TENM2: variants seen among roughly 807,000 people sequenced by gnomAD.
TENM2 encodes teneurin-2.
A neutral mutation model predicts 245.2 loss-of-function variants in TENM2; 52 were observed. That is an observed-to-expected ratio of 0.21 (90% CI 0.17 to 0.27). The LOEUF (loss-of-function observed/expected upper bound fraction) is 0.27. Ranked by LOEUF, TENM2 falls within the 10% of genes least tolerant of loss-of-function variation. The probability of loss-of-function intolerance (pLI) is 1.00; values close to 1 mark genes in which losing one functional copy is unlikely to be tolerated. For missense variants in TENM2, 3,046 were observed against 3,666.8 expected, an observed-to-expected ratio of 0.83 and a Z score of 4.37; for synonymous variants, 1,363 against 1,438.9, an observed-to-expected ratio of 0.95 and a Z score of 1.19.
chr5:167,674,749 C>G (rs1192544580), intron 2 of TENM2, among the ~76,000 whole-genome samples: 1 of 152,028 alleles, frequency 6.6e-6, no homozygotes, highest in Non-Finnish European at 1.5e-5. Flanking sequence ...GCAAGAGTAA[C>G]TGTACGTGAA....
Position 167,952,848 on chromosome 5 carries a change from T to C in TENM2, c.947+26T>C. On this transcript the variant is annotated intron_variant, in intron 4 of 28. Coordinates refer to ENST00000518659, the Ensembl canonical transcript of TENM2. ...GTAAGTCCCCATCGCCAGCTCACAG[T>C]CACACTCAGTGTCACCTTACCCCTG... 4 of 1,538,608 alleles carry C rather than the reference T, an allele frequency of 2.6e-6. No homozygotes were observed. In the South Asian group the frequency reaches 4.8e-5, roughly 18 times the overall value.
In TENM2 at chr5:168,049,151, AG is replaced by A. The variant is rs140042319; in HGVS notation, c.1309+1606del. On this transcript the variant is annotated intron_variant, in intron 6 of 28. Transcript: ENST00000518659. Reference sequence around the variant, plus strand: ...GACTATTTTGATTGTCACAGTTGGAAGGGGCATGGCAGGCATCTAGTGGATA... The same window carrying A: ...GACTATTTTGATTGTCACAGTTGGAAGGGCATGGCAGGCATCTAGTGGATA... Among the ~76,000 whole-genome samples the A allele has an allele frequency of 1.7e-4, 26 of 152,336 alleles. 1 individual carries two copies. The East Asian group carries it at 4.4e-3, about 26-fold the overall frequency.
intron 4 of TENM2, among the ~76,000 whole-genome samples, chr5:167,971,648 C>T (rs1339632404): frequency 6.6e-6 from 1 of 152,114 alleles, no homozygotes; most frequent in Non-Finnish European, 1.5e-5. Flanking sequence ...TTGCAGTGAG[C>T]CAAGATCGCG....
intron 3 of TENM2, among the ~76,000 whole-genome samples, chr5:167,916,761 C>T (rs1450082840): frequency 6.6e-6 from 1 of 152,108 alleles, no homozygotes; most frequent in African/African-American, 2.4e-5. Flanking sequence ...AAAGAAAATC[C>T]GTGGGAGGCC....
chr5:168,127,786 A>G (rs1217577134), intron 12 of TENM2, among the ~76,000 whole-genome samples: 1 of 152,146 alleles, frequency 6.6e-6, no homozygotes, highest in East Asian at 1.9e-4. Context: ...TTGTTATTTA[A>G]TTAGATCAAG....
At chr5:167,628,628 A>G (rs1778670573) in intron 2 of TENM2, among the ~76,000 whole-genome samples, 1 of 152,162 alleles carries the variant, frequency 6.6e-6, no homozygotes, top group South Asian at 2.1e-4. Flanking sequence ...ATGACACAGT[A>G]CAAGGTGGTA....
At chr5:167,522,281 A>G (rs1289520137) in intron 2 of TENM2, among the ~76,000 whole-genome samples, 1 of 152,176 alleles carries the variant, frequency 6.6e-6, no homozygotes, top group Non-Finnish European at 1.5e-5. Context: ...TCAGGGCATG[A>G]CAATACTACC....
chr5:167,394,789 G>T (rs899782871), intron 2 of TENM2, among the ~76,000 whole-genome samples: 1 of 151,888 alleles, frequency 6.6e-6, no homozygotes, highest in Non-Finnish European at 1.5e-5. Context: ...TACAGACAGG[G>T]TTTCACCATG....
At chr5:168,005,168 T>G (rs375355723) in intron 5 of TENM2, among the ~76,000 whole-genome samples, 3 of 152,190 alleles carry the variant, frequency 2.0e-5, no homozygotes, top group Admixed American at 2.0e-4. Flanking sequence ...ATCCATATTG[T>G]AGTGAAACAC....
chr5:168,113,154 C>A (rs1036192), intron 9 of TENM2, among the ~76,000 whole-genome samples: 129,302 of 151,896 alleles, frequency 0.85, 55,381 homozygotes, highest in East Asian at 0.98. Context: ...CCGTCTCTAC[C>A]GAATTTTTTT....
intron 2 of TENM2, among the ~76,000 whole-genome samples, chr5:167,684,298 T>C (rs1311279968): frequency 6.6e-6 from 1 of 152,118 alleles, no homozygotes; most frequent in Admixed American, 6.6e-5. Flanking sequence ...AGCACAGGGG[T>C]AGCCTTTGTC....
At chr5:167,086,941 A>G in the TENM2 span, among the ~76,000 whole-genome samples, 13 of 148,944 alleles carry the variant, frequency 8.7e-5, 1 homozygote, top group African/African-American at 2.6e-4. Flanking sequence ...ACACACACAC[A>G]CACACACACA....
At chr5:168,169,362 C>G (rs554611999) in intron 13 of TENM2, among the ~76,000 whole-genome samples, 1 of 152,162 alleles carries the variant, frequency 6.6e-6, no homozygotes, top group Non-Finnish European at 1.5e-5. Flanking sequence ...CTGCAAGGCT[C>G]GGTTCCTTGG....
intron 2 of TENM2, among the ~76,000 whole-genome samples, chr5:167,737,177 G>A (rs1275014622): frequency 6.6e-6 from 1 of 152,154 alleles, no homozygotes; most frequent in Non-Finnish European, 1.5e-5. Context: ...ACGTCAAAGC[G>A]TTTTTAAATG....
intron 2 of TENM2, among the ~76,000 whole-genome samples, chr5:167,691,991 T>C (rs749946414): frequency 2.0e-5 from 3 of 151,934 alleles, no homozygotes; most frequent in Non-Finnish European, 2.9e-5. Flanking sequence ...GGGAGAGGAG[T>C]ACCTCCTTCT....
At chr5:167,679,832 C>G (rs1046062207) in intron 2 of TENM2, among the ~76,000 whole-genome samples, 2 of 152,106 alleles carry the variant, frequency 1.3e-5, no homozygotes, top group African/African-American at 4.8e-5. Context: ...CAATGTTCAC[C>G]TGGAATAGGC....
intron 16 of TENM2, 134 bp downstream of exon 18, chr5:168,199,248 T>A: frequency 1.1e-6 from 1 of 950,498 alleles, no homozygotes; most frequent in Admixed American, 2.8e-5. Context: ...ATAAAATTTA[T>A]AGCCACCAGA....
chr5:168,194,832 C>T (rs748803492), intron 14 of TENM2, among the ~76,000 whole-genome samples: 2 of 152,096 alleles, frequency 1.3e-5, no homozygotes, highest in African/African-American at 4.8e-5. Flanking sequence ...AGCTCTCACC[C>T]GAGTATGGCA....
chr5:167,808,659 C>A (rs1267908684), intron 2 of TENM2, among the ~76,000 whole-genome samples: 6 of 152,134 alleles, frequency 3.9e-5, no homozygotes, highest in Non-Finnish European at 8.8e-5. Context: ...ATAGAAACCC[C>A]TTGTCTTTTT....
Sources: gnomAD v4.1 joint callset for allele counts (sites outside exome capture counted in the v4.1 genomes callset) on GRCh38, gnomAD v4.1.1 for gene constraint, MANE v1.5 for transcripts, NCBI Gene and HGNC (gene_info 2026-07-23, HGNC 2026-07-21) for gene names.